Variants in RAB28 observed in about 807,000 individuals in gnomAD.
RAB28 encodes the protein RAB28, member RAS oncogene family, also known as ras-related protein Rab-28.
Under a neutral mutation model 31.7 loss-of-function variants are expected in RAB28, and 24 were observed. The ratio of observed to expected loss-of-function variants is 0.76; its 90% confidence interval spans 0.55 to 1.06. The LOEUF (loss-of-function observed/expected upper bound fraction) is 1.06. RAB28 is among the 50% of genes least tolerant of loss of function. The pLI, the probability that RAB28 is intolerant of heterozygous loss-of-function variation, is 0.00. For synonymous variants in RAB28, 100 were observed against 90.4 expected (o/e 1.11, Z -0.60); for missense variants, 254 against 258.5 (o/e 0.98, Z 0.12).
intron 3 of RAB28, among the ~76,000 whole-genome samples, chr4:13,469,609 G>T (rs942961064): frequency 1.6e-4 from 24 of 151,860 alleles, no homozygotes; most frequent in Non-Finnish European, 3.4e-4. Flanking sequence ...ATAGTACTTC[G>T]TTTTCATCTA....
intron 6 of RAB28, chr4:13,369,799 T>C: frequency 1.5e-6 from 2 of 1,367,178 alleles, no homozygotes; most frequent in Non-Finnish European, 2.0e-6. Flanking sequence ...TCATAGGGAA[T>C]AAAGAACAAG....
chr4:13,413,406 T>A (rs1237919912), intron 4 of RAB28, among the ~76,000 whole-genome samples: 1 of 152,268 alleles, frequency 6.6e-6, no homozygotes, highest in East Asian at 1.9e-4. Context: ...AGCCAGTATG[T>A]TATTTAAACT....
intron 3 of RAB28, among the ~76,000 whole-genome samples, chr4:13,471,063 C>T (rs115389668): frequency 1.2e-3 from 190 of 152,130 alleles, no homozygotes; most frequent in African/African-American, 4.5e-3. Flanking sequence ...TCTTTCTATA[C>T]ACAATACAGA....
intron 4 of RAB28, among the ~76,000 whole-genome samples, chr4:13,419,426 C>A (rs1010006080): frequency 6.6e-6 from 1 of 152,200 alleles, no homozygotes; most frequent in Non-Finnish European, 1.5e-5. Flanking sequence ...GAACTCTCCA[C>A]CCCAAATCAA....
rs568039160 is a variant in RAB28, at chr4:13,401,203, T to C, written c.392-19609A>G. On this transcript the variant is annotated intron_variant, in intron 4 of 6. Transcript: ENST00000330852. ...CCTTCTGGATCCACAGTATTCTTTG[T>C]AGTATTCTTTGTGGAAACATTCCAA... Among the ~76,000 whole-genome samples, 7 of 152,346 alleles carry C rather than the reference T, an allele frequency of 4.6e-5. No homozygotes were observed. The East Asian group carries it at 5.8e-4, about 13-fold the overall frequency.
intron 4 of RAB28, among the ~76,000 whole-genome samples, chr4:13,412,578 T>C (rs1712503586): frequency 6.7e-6 from 1 of 149,970 alleles, no homozygotes; most frequent in African/African-American, 2.5e-5. Flanking sequence ...TTTGGGGGAG[T>C]AGGAGGAGGG....
Position 13,367,878 on chromosome 4 carries a change from A to T in RAB28, c.*680T>A. The stretch of plus-strand genomic sequence containing the variant: ...GCTGAACATTTATCAGAATTCAGAA[A>T]GCCTTCAAACCTGAGTATTACACAA... On this transcript the variant is annotated 3_prime_UTR_variant, in exon 7 of 7. Coordinates refer to ENST00000330852, the MANE Select transcript of RAB28 (RefSeq NM_001017979.3). 4 of 985,122 alleles carry T rather than the reference A, an allele frequency of 4.1e-6. No homozygotes were observed. The highest frequency in any genetic ancestry group is 4.8e-6 in the Non-Finnish European group (4 of 829,622). The allele number at this position is 985,122 out of a possible 1,614,324, so 61.0% of individuals were successfully genotyped here.
Position 13,376,582 on chromosome 4 carries a change from C to A in RAB28, c.536G>T (p.Gly179Val). The change falls in exon 6 of 7, where the codon GGG becomes GTG. Residue 179 changes from glycine (G) to valine (V), a missense_variant. Gly to Val is a moderately radical substitution (Grantham distance 109, BLOSUM62 -3). Coordinates refer to ENST00000330852, the MANE Select transcript of RAB28 (RefSeq NM_001017979.3). ...CFQKVAAEIL[G>V]IKLNKAEIEQ... ...TATTTCTGCTTTGTTTAATTTGATC[C>A]CAAGGATTTCAGCAGCAACTTTCTG... is the stretch of plus-strand genomic sequence containing the variant. 1 of 1,601,694 alleles carries A rather than the reference C, an allele frequency of 6.2e-7. No homozygotes were observed. The highest frequency in any genetic ancestry group is 1.1e-5 in the South Asian group (1 of 88,494).
chr4:13,415,580 G>A (rs549513457), intron 4 of RAB28, among the ~76,000 whole-genome samples: 18 of 152,214 alleles, frequency 1.2e-4, no homozygotes, highest in African/African-American at 4.3e-4. Flanking sequence ...CAGCAGTGCC[G>A]GCCCACTGGC....
intron 4 of RAB28, among the ~76,000 whole-genome samples, chr4:13,400,952 G>C (rs1391993358): frequency 1.3e-5 from 2 of 152,054 alleles, no homozygotes; most frequent in African/African-American, 4.8e-5. Flanking sequence ...TGTATTGCTT[G>C]ATTCAATTTG....
intron 2 of RAB28, 109 bp from the exon 3 acceptor site, chr4:13,474,515 G>A (rs1013686496): frequency 8.4e-5 from 51 of 604,238 alleles, no homozygotes; most frequent in Middle Eastern, 4.5e-4. Flanking sequence ...GAAACTCTGA[G>A]CCCAATTTGC....
intron 4 of RAB28, among the ~76,000 whole-genome samples, chr4:13,450,070 T>C (rs1714884295): frequency 6.6e-6 from 1 of 151,866 alleles, no homozygotes; most frequent in African/African-American, 2.4e-5. Context: ...AAAATTAATT[T>C]TTTAGAAGTT....
At chr4:13,369,765 C>G (rs759121820) in intron 6 of RAB28, 18 of 1,089,130 alleles carry the variant, frequency 1.7e-5, no homozygotes, top group Non-Finnish European at 2.2e-5. Context: ...CAATAATGTA[C>G]AATAATCATC....
At chr4:13,406,152 GC>G (rs1219665250) in intron 4 of RAB28, among the ~76,000 whole-genome samples, 1 of 151,890 alleles carries the variant, frequency 6.6e-6, no homozygotes, top group Non-Finnish European at 1.5e-5. Flanking sequence ...CCCTCTCCTA[GC>G]CCCCCACCCC....
intron 4 of RAB28, among the ~76,000 whole-genome samples, chr4:13,431,948 T>A (rs913438833): frequency 6.6e-6 from 1 of 152,066 alleles, no homozygotes; most frequent in Non-Finnish European, 1.5e-5. Context: ...CCTAACCAGA[T>A]TGAAATGTCT....
intron 4 of RAB28, 141 bp from the exon 5 acceptor site, chr4:13,381,735 C>G: frequency 1.8e-6 from 1 of 561,618 alleles, no homozygotes; most frequent in South Asian, 2.8e-5. Context: ...TTTATTAAAC[C>G]TCTTTATGAC....
intron 4 of RAB28, among the ~76,000 whole-genome samples, chr4:13,389,240 A>T (rs1464957721): frequency 6.6e-6 from 1 of 152,154 alleles, no homozygotes; most frequent in African/African-American, 2.4e-5. Context: ...CACTCTTATG[A>T]GGTTAACTAA....
chr4:13,395,523 G>A (rs1434400776), intron 4 of RAB28, among the ~76,000 whole-genome samples: 1 of 151,852 alleles, frequency 6.6e-6, no homozygotes, highest in Non-Finnish European at 1.5e-5. Flanking sequence ...AATACAAACA[G>A]CCAAGTATAC....
chr4:13,397,283 CACAT>C (rs1415464512), intron 4 of RAB28, among the ~76,000 whole-genome samples: 2 of 151,940 alleles, frequency 1.3e-5, no homozygotes, highest in Non-Finnish European at 2.9e-5. Context: ...TATTTGATGA[CACAT>C]ACACATATTA....
Sources: gnomAD v4.1 joint callset for allele counts (sites outside exome capture counted in the v4.1 genomes callset) on GRCh38, gnomAD v4.1.1 for gene constraint, MANE v1.5 for transcripts, NCBI Gene and HGNC (gene_info 2026-07-23, HGNC 2026-07-21) for gene names.